DLG2: variants seen among roughly 807,000 people sequenced by gnomAD.
DLG2 encodes disks large homolog 2.
In DLG2, 45 loss-of-function variants were observed where a neutral mutation model predicts 132.5. The ratio of observed to expected loss-of-function variants is 0.34; its 90% CI spans 0.27 to 0.44. The LOEUF (loss-of-function observed/expected upper bound fraction) is 0.44. DLG2 is among the 20% of genes least tolerant of loss of function. DLG2 has a pLI of 1.00. For synonymous variants in DLG2, 424 were observed against 419.6 expected (o/e 1.01, Z -0.13); for missense variants, 1,045 against 1,196.9 (o/e 0.87, Z 1.87).
At chr11:84,591,830 C>A (rs2099544101) in intron 6 of DLG2, among the ~76,000 whole-genome samples, 1 of 152,002 alleles carries the variant, frequency 6.6e-6, no homozygotes, top group South Asian at 2.1e-4. Context: ...GGGGGTAGGA[C>A]CCAAGGAGCA....
intron 7 of DLG2, among the ~76,000 whole-genome samples, chr11:84,328,429 A>T (rs1401887122): frequency 6.6e-6 from 1 of 152,184 alleles, no homozygotes; most frequent in African/African-American, 2.4e-5. Context: ...ACCAAAATCA[A>T]GTAAATATAA....
At chr11:84,854,417 T>C (rs779851484) in intron 6 of DLG2, among the ~76,000 whole-genome samples, 3 of 151,848 alleles carry the variant, frequency 2.0e-5, no homozygotes, top group Admixed American at 2.0e-4. Context: ...AGTTAACACA[T>C]ACAAAACCTG....
intron 6 of DLG2, among the ~76,000 whole-genome samples, chr11:84,937,260 C>G (rs2048861527): frequency 6.6e-6 from 1 of 151,962 alleles, no homozygotes; most frequent in African/African-American, 2.4e-5. Flanking sequence ...ACATCCCAGG[C>G]TTTCCATGCA....
intron 3 of DLG2, among the ~76,000 whole-genome samples, chr11:85,500,126 T>C (rs1258523758): frequency 5.3e-5 from 8 of 152,126 alleles, no homozygotes; most frequent in African/African-American, 1.9e-4. Context: ...AAACAAAGTG[T>C]ATTCAAATAG....
At chr11:85,393,085 A>G (rs890230791) in intron 3 of DLG2, among the ~76,000 whole-genome samples, 1 of 152,136 alleles carries the variant, frequency 6.6e-6, no homozygotes, top group African/African-American at 2.4e-5. Flanking sequence ...CATCCAACAA[A>G]CAACTAATAT....
At chr11:85,293,044 G>A (rs2079010355) in intron 3 of DLG2, among the ~76,000 whole-genome samples, 1 of 151,902 alleles carries the variant, frequency 6.6e-6, no homozygotes, top group Non-Finnish European at 1.5e-5. Context: ...AATAGTCATG[G>A]GATATAACCT....
At chr11:83,579,970 A>AAAATAAAT (rs1041738048) in intron 19 of DLG2, among the ~76,000 whole-genome samples, 170 of 151,966 alleles carry the variant, frequency 1.1e-3, no homozygotes, top group Non-Finnish European at 2.1e-3. Context: ...ACTCTATCTC[A>AAAATAAAT]AAATAAATAA....
intron 11 of DLG2, among the ~76,000 whole-genome samples, chr11:84,022,762 G>T (rs908145205): frequency 6.6e-6 from 1 of 152,074 alleles, no homozygotes; most frequent in African/African-American, 2.4e-5. Flanking sequence ...GTGGTGGGAA[G>T]TAGACTGCAA....
At chr11:84,843,290 T>TAA (rs71036446) in intron 6 of DLG2, among the ~76,000 whole-genome samples, 3,644 of 144,850 alleles carry the variant, frequency 0.025, 169 homozygotes, top group African/African-American at 0.087. Flanking sequence ...ATAGTACTGT[T>TAA]AAAAAAAAAA....
In DLG2 at chr11:83,459,793, C is replaced by G; in HGVS notation, c.*25G>C. On this transcript the variant is annotated 3_prime_UTR_variant, in exon 28 of 28. Transcript: ENST00000376104. ...TTTGTTCTTCTAAATGCTCTTCTGTCGTTGTCAGAGGCGCAGTAGCTAATT... is the reference window on the plus strand; with the variant it reads ...TTTGTTCTTCTAAATGCTCTTCTGTGGTTGTCAGAGGCGCAGTAGCTAATT... 2 of 1,245,086 alleles carry G rather than the reference C, an allele frequency of 1.6e-6. No individual in the cohort carries two copies. The highest frequency in any genetic ancestry group is 2.4e-5 in the South Asian group (2 of 83,468). 77.1% of individuals were successfully genotyped at this position (1,245,086 alleles called of 1,614,324 possible).
chr11:84,302,940 A>C (rs1359335186), intron 7 of DLG2, among the ~76,000 whole-genome samples: 1 of 151,918 alleles, frequency 6.6e-6, no homozygotes, highest in Non-Finnish European at 1.5e-5. Context: ...AACAAAAAAA[A>C]ATACACACAC....
chr11:84,829,475 A>G (rs1459170821), intron 6 of DLG2, among the ~76,000 whole-genome samples: 1 of 151,758 alleles, frequency 6.6e-6, no homozygotes, highest in African/African-American at 2.4e-5. Flanking sequence ...TGTGCTGACA[A>G]AAATGATCAT....
At chr11:83,480,204 G>C (rs2092990094) in intron 22 of DLG2, among the ~76,000 whole-genome samples, 2 of 152,034 alleles carry the variant, frequency 1.3e-5, no homozygotes. Context: ...GATGGCTCTA[G>C]TGTCTTTTTT....
At chr11:84,491,936 T>G (rs1243317461) in intron 7 of DLG2, among the ~76,000 whole-genome samples, 1 of 152,140 alleles carries the variant, frequency 6.6e-6, no homozygotes, top group East Asian at 1.9e-4. Context: ...TTATCTCCTA[T>G]AAAAGGAAAG....
At chr11:83,515,320 TG>T (rs2095252099) in intron 21 of DLG2, among the ~76,000 whole-genome samples, 2 of 152,160 alleles carry the variant, frequency 1.3e-5, no homozygotes, top group African/African-American at 4.8e-5. Flanking sequence ...TGCGTAGAGG[TG>T]TTTATAGTAT....
At chr11:83,753,822 TTCATATATATATGATATATATCATATATA>T (rs1566831073) in intron 18 of DLG2, among the ~76,000 whole-genome samples, 2 of 39,184 alleles carry the variant, frequency 5.1e-5, no homozygotes, top group Non-Finnish European at 8.8e-5. Context: ...ATATATATAT[TTCATATATATATGATATATATCATATATA>T]TCATATATAT....
intron 6 of DLG2, among the ~76,000 whole-genome samples, chr11:85,064,292 A>T (rs1387065422): frequency 1.3e-5 from 2 of 151,836 alleles, no homozygotes; most frequent in Non-Finnish European, 2.9e-5. Flanking sequence ...TTCTAGGTAC[A>T]AGAAGCTAGA....
At chr11:84,168,583 A>G (rs1258414472) in intron 8 of DLG2, among the ~76,000 whole-genome samples, 1 of 152,142 alleles carries the variant, frequency 6.6e-6, no homozygotes, top group African/African-American at 2.4e-5. Flanking sequence ...AGCAATGATG[A>G]CTATGTGAGT....
At chr11:83,941,383 T>C (rs1264142112) in intron 14 of DLG2, among the ~76,000 whole-genome samples, 1 of 150,954 alleles carries the variant, frequency 6.6e-6, no homozygotes, top group Non-Finnish European at 1.5e-5. Flanking sequence ...TTTTTAAAAT[T>C]TATTTATTTA....
Sources: allele counts gnomAD v4.1 joint callset (sites outside exome capture counted in the v4.1 genomes callset), GRCh38; gene constraint gnomAD v4.1.1; transcripts MANE v1.5; gene names NCBI Gene and HGNC (gene_info 2026-07-23, HGNC 2026-07-21).